The following PARD3B variants were observed in gnomAD, a reference collection of about 807,000 sequenced individuals.
The protein encoded by PARD3B is par-3 family cell polarity regulator beta.
In PARD3B, 103 loss-of-function variants were observed where a neutral mutation model predicts 130.2. That is an observed-to-expected ratio of 0.79 (90% CI 0.67 to 0.93). The LOEUF is 0.93. Among genes scored for constraint, PARD3B ranks in the 40% least tolerant of loss-of-function variants. The pLI, the probability that PARD3B is intolerant of heterozygous loss-of-function variation, is 0.00. For missense variants in PARD3B, 1,609 were observed against 1,499.2 expected (o/e 1.07, Z -1.21); for synonymous variants, 583 against 553.2 (o/e 1.05, Z -0.76).
chr2:204,615,312 C>G (rs2034069720), intron 1 of PARD3B, among the ~76,000 whole-genome samples: 1 of 152,124 alleles, frequency 6.6e-6, no homozygotes, highest in South Asian at 2.1e-4. Context: ...AATGCTTTTC[C>G]TATTCTGTCA....
rs2053157865 is a variant in PARD3B, at chr2:205,562,054, A to G, written c.3260+8651A>G. 6.6e-6 allele frequency among the ~76,000 whole-genome samples: 1 copy of G among 152,180 alleles called. No homozygotes were observed. The highest frequency in any genetic ancestry group is 1.5e-5 in the Non-Finnish European group (1 of 68,034). On this transcript the variant is annotated intron_variant, in intron 22 of 22. Coordinates refer to ENST00000406610, the MANE Select transcript of PARD3B (RefSeq NM_001302769.2). This position sits in a 1 kb window ranked among gnomAD's most constrained non-coding sequence, Gnocchi z 5.4. ...TTCTTTGTGAGATTAAGATGTCTCC[A>G]TTGTCAACTCAAACTTCCTGAAAAT...
chr2:205,129,620 G>A (rs1171646906), intron 10 of PARD3B, among the ~76,000 whole-genome samples: 1 of 152,126 alleles, frequency 6.6e-6, no homozygotes, highest in Non-Finnish European at 1.5e-5. Context: ...TGTGTTTATT[G>A]GTTTCCTCTT....
intron 20 of PARD3B, among the ~76,000 whole-genome samples, chr2:205,445,318 A>G (rs1360611419): frequency 1.3e-5 from 2 of 152,194 alleles, no homozygotes; most frequent in Admixed American, 6.5e-5. Context: ...TCGCACTGCT[A>G]TAATGAGATA....
intron 20 of PARD3B, among the ~76,000 whole-genome samples, chr2:205,444,307 A>G (rs998924777): frequency 2.0e-5 from 3 of 151,970 alleles, no homozygotes; most frequent in African/African-American, 7.2e-5. Flanking sequence ...TTTTTTAACT[A>G]TCCAGGTGTG....
At chr2:204,850,922 T>C (rs1197497991) in intron 2 of PARD3B, among the ~76,000 whole-genome samples, 2 of 152,230 alleles carry the variant, frequency 1.3e-5, no homozygotes, top group Admixed American at 6.5e-5. Flanking sequence ...CAAGGAATCA[T>C]ATTGTTTCCA....
intron 4 of PARD3B, among the ~76,000 whole-genome samples, chr2:205,099,464 A>G (rs1185621877): frequency 6.6e-6 from 1 of 152,208 alleles, no homozygotes; most frequent in African/African-American, 2.4e-5. Flanking sequence ...TAAATAAGCA[A>G]TGAGGAAAAC....
At chr2:204,597,684 GTT>G in intron 1 of PARD3B, among the ~76,000 whole-genome samples, 1 of 152,286 alleles carries the variant, frequency 6.6e-6, no homozygotes, top group African/African-American at 2.4e-5. Flanking sequence ...ATTAGCATGT[GTT>G]GCTGTCCAGA....
chr2:205,046,368 A>G (rs1000126983), intron 3 of PARD3B, among the ~76,000 whole-genome samples: 2 of 151,904 alleles, frequency 1.3e-5, no homozygotes, highest in African/African-American at 4.8e-5. Context: ...TGAAAAATGT[A>G]GTGATGTCTC....
At chr2:205,350,217 C>T (rs1210406376) in intron 18 of PARD3B, among the ~76,000 whole-genome samples, 1 of 152,072 alleles carries the variant, frequency 6.6e-6, no homozygotes, top group East Asian at 1.9e-4. Flanking sequence ...CTTTGAAGAG[C>T]CTCTCAGGTA....
intron 16 of PARD3B, among the ~76,000 whole-genome samples, chr2:205,277,982 A>T (rs2041017849): frequency 6.6e-6 from 1 of 152,212 alleles, no homozygotes; most frequent in African/African-American, 2.4e-5. Flanking sequence ...CACTGGTACC[A>T]GAGACCAAGA....
At chr2:205,172,105 CTTTT>C in intron 11 of PARD3B, 102 bp from the exon 12 acceptor site, 1 of 1,175,124 alleles carries the variant, frequency 8.5e-7, no homozygotes, top group Non-Finnish European at 1.2e-6. Flanking sequence ...GCTAGGTTTT[CTTTT>C]TTTCTTTTTT....
rs3077829 is a variant in PARD3B, at chr2:205,575,084, GACACACAC to G, written c.3260+21704_3260+21711del. Among the ~76,000 whole-genome samples, 449 of 128,580 alleles carry G rather than the reference GACACACAC, an allele frequency of 3.5e-3. 2 individuals are homozygous for G. Among genetic ancestry groups the G allele is most frequent in the African/African-American group, 9.6e-3 (364 of 37,790 alleles). 84.4% of individuals were successfully genotyped at this position (128,580 alleles called of 152,430 possible). On this transcript the variant is annotated intron_variant, in intron 22 of 22. Coordinates refer to ENST00000406610, the MANE Select transcript of PARD3B (RefSeq NM_001302769.2). The surrounding 1 kb of genome is among the most constrained non-coding windows in gnomAD (Gnocchi z 4.6). ...AATACATTATATACACATTTAAATA[GACACACAC>G]ACACACACACACACACACACACGCG...
intron 10 of PARD3B, among the ~76,000 whole-genome samples, chr2:205,154,067 G>A (rs192956891): frequency 6.6e-6 from 1 of 152,266 alleles, no homozygotes; most frequent in South Asian, 2.1e-4. Flanking sequence ...AAACTAAAGA[G>A]CTTCTGCACA....
chr2:205,014,081 G>A (rs962662186), intron 3 of PARD3B, among the ~76,000 whole-genome samples: 7 of 152,192 alleles, frequency 4.6e-5, no homozygotes, highest in African/African-American at 1.7e-4. Flanking sequence ...AGGAAAGTCT[G>A]AGAAAAGTCT....
intron 4 of PARD3B, among the ~76,000 whole-genome samples, chr2:205,054,430 A>ATTTTT (rs1273061019): frequency 2.7e-5 from 1 of 37,696 alleles, no homozygotes; most frequent in African/African-American, 1.3e-4. Flanking sequence ...ATATATATAT[A>ATTTTT]TATATATTTT....
At chr2:204,936,453 C>T (rs1443952167) in intron 2 of PARD3B, among the ~76,000 whole-genome samples, 8 of 152,218 alleles carry the variant, frequency 5.3e-5, no homozygotes, top group Admixed American at 5.2e-4. Context: ...TGTCTCCCTA[C>T]AGCATTTTTT....
Position 205,473,683 on chromosome 2 carries a change from TG to T in PARD3B, c.3045-26212del, listed in dbSNP as rs2048921854. Among the ~76,000 whole-genome samples, 1 of 67,324 alleles carries T rather than the reference TG, an allele frequency of 1.5e-5. No individual in the cohort carries two copies. The highest frequency in any genetic ancestry group is 2.7e-5 in the Non-Finnish European group (1 of 36,834). 44.2% of individuals were successfully genotyped at this position (67,324 alleles called of 152,430 possible). Reference sequence around the variant, plus strand: ...GTGTGTGTGTGTGTGTGTGTGTGTATGTATATATATATATATATATATATAT... The same window carrying T: ...GTGTGTGTGTGTGTGTGTGTGTGTATTATATATATATATATATATATATAT... On this transcript the variant is annotated intron_variant, in intron 20 of 22. Coordinates refer to ENST00000406610, the MANE Select transcript of PARD3B (RefSeq NM_001302769.2). This position sits in a 1 kb window ranked among gnomAD's most constrained non-coding sequence, Gnocchi z 4.9.
In PARD3B at chr2:205,463,759, T is replaced by A. The variant is rs771055224; in HGVS notation, c.3044+23087T>A. On this transcript the variant is annotated intron_variant, in intron 20 of 22. Transcript: ENST00000406610. This position sits in a 1 kb window ranked among gnomAD's most constrained non-coding sequence, Gnocchi z 4.8. ...ACTGAAATCCTGAAAGATTGTGGCC[T>A]GTTTACTGGGAGAGCATTTTAACAA... is the stretch of plus-strand genomic sequence containing the variant. Among the ~76,000 whole-genome samples, 11 of 152,208 alleles carry A rather than the reference T, an allele frequency of 7.2e-5. No individual in the cohort carries two copies. Among genetic ancestry groups the A allele is most frequent in the Non-Finnish European group, 1.0e-4 (7 of 68,024 alleles).
intron 19 of PARD3B, among the ~76,000 whole-genome samples, chr2:205,410,354 T>C (rs142406912): frequency 3.2e-4 from 49 of 152,310 alleles, no homozygotes; most frequent in African/African-American, 1.1e-3. Context: ...TTTGGGGGAC[T>C]GTAAGTAGGT....
Sources: allele counts gnomAD v4.1 joint callset (sites outside exome capture counted in the v4.1 genomes callset), GRCh38; gene constraint gnomAD v4.1.1; non-coding constraint Gnocchi (gnomAD v3.1); transcripts MANE v1.5; gene names NCBI Gene and HGNC (gene_info 2026-07-23, HGNC 2026-07-21).